The following TAFA1 variants were observed in gnomAD, a reference collection of about 807,000 sequenced individuals.
The protein encoded by TAFA1 is TAFA chemokine like family member 1.
Under a neutral mutation model 18.5 loss-of-function variants are expected in TAFA1, and 4 were observed. That is an observed-to-expected ratio of 0.22 (90% CI 0.11 to 0.49). TAFA1 has a LOEUF of 0.49. Ranked by LOEUF, TAFA1 falls within the 20% of genes least tolerant of loss-of-function variation. TAFA1 has a pLI of 0.98. For missense variants in TAFA1, 147 were observed against 169.0 expected (o/e 0.87, Z 0.72); for synonymous variants, 56 against 55.2 (o/e 1.01, Z -0.06).
chr3:68,242,485 A>G (rs528871353), intron 2 of TAFA1, among the ~76,000 whole-genome samples: 9 of 152,314 alleles, frequency 5.9e-5, no homozygotes, highest in African/African-American at 2.2e-4. Context: ...TTTACTGTAT[A>G]TTAAAGTATA....
At chr3:68,359,417 A>T (rs183148328) in intron 2 of TAFA1, among the ~76,000 whole-genome samples, 5 of 152,098 alleles carry the variant, frequency 3.3e-5, no homozygotes, top group Admixed American at 3.3e-4. Context: ...TAAAATAAGG[A>T]GATTATCCTG....
chr3:68,514,971 G>A (rs1371440778), intron 3 of TAFA1, among the ~76,000 whole-genome samples: 1 of 150,194 alleles, frequency 6.7e-6, no homozygotes, highest in Non-Finnish European at 1.5e-5. Context: ...AACAAGAGAT[G>A]TAATAAAATG....
At chr3:68,383,507 A>C (rs1008056535) in intron 2 of TAFA1, among the ~76,000 whole-genome samples, 3 of 152,074 alleles carry the variant, frequency 2.0e-5, no homozygotes, top group African/African-American at 7.2e-5. Flanking sequence ...CTGTTGAACA[A>C]ACTTTGCATT....
chr3:68,395,187 G>GA (rs369346411), intron 2 of TAFA1, among the ~76,000 whole-genome samples: 12 of 150,700 alleles, frequency 8.0e-5, no homozygotes, highest in South Asian at 2.1e-4. Flanking sequence ...ACAAACATAT[G>GA]AAAAAAAAAC....
chr3:68,269,955 G>A (rs1325627592), intron 2 of TAFA1, among the ~76,000 whole-genome samples: 14 of 151,958 alleles, frequency 9.2e-5, no homozygotes, highest in African/African-American at 3.4e-4. Flanking sequence ...TTCTGTGGTC[G>A]AACCTGTTAC....
chr3:68,174,524 C>A (rs1011144192), intron 2 of TAFA1, among the ~76,000 whole-genome samples: 1 of 152,102 alleles, frequency 6.6e-6, no homozygotes, highest in South Asian at 2.1e-4. Context: ...GCAAAGGTGA[C>A]ATTTGTTATG....
At chr3:68,366,085 C>CAA (rs35861602) in intron 2 of TAFA1, among the ~76,000 whole-genome samples, 51,526 of 93,246 alleles carry the variant, frequency 0.55, 12,916 homozygotes, top group East Asian at 0.75. Flanking sequence ...GACTCCATCT[C>CAA]AAAAAAAAAA....
At chr3:68,023,010 C>T (rs1223071209) in intron 2 of TAFA1, among the ~76,000 whole-genome samples, 1 of 145,690 alleles carries the variant, frequency 6.9e-6, no homozygotes, top group Non-Finnish European at 1.5e-5. Flanking sequence ...GGAAATCAGG[C>T]TCAGAGAGGT....
intron 3 of TAFA1, among the ~76,000 whole-genome samples, chr3:68,460,356 G>GT (rs879822714): frequency 5.3e-5 from 8 of 152,072 alleles, no homozygotes; most frequent in Admixed American, 2.6e-4. Flanking sequence ...AGGAGATTTT[G>GT]TTTTTTTCTT....
chr3:68,321,191 C>T (rs757951686), intron 2 of TAFA1, among the ~76,000 whole-genome samples: 9 of 152,110 alleles, frequency 5.9e-5, no homozygotes, highest in Non-Finnish European at 5.9e-5. Flanking sequence ...TGGATGTAGT[C>T]TAATATACAA....
At chr3:68,286,805 A>G (rs905523543) in intron 2 of TAFA1, among the ~76,000 whole-genome samples, 1 of 152,170 alleles carries the variant, frequency 6.6e-6, no homozygotes, top group Non-Finnish European at 1.5e-5. Flanking sequence ...CTAGAAGGGT[A>G]AGAGAGAAAA....
chr3:68,512,158 C>T (rs754979451), intron 3 of TAFA1, among the ~76,000 whole-genome samples: 1 of 152,088 alleles, frequency 6.6e-6, no homozygotes. Context: ...AAATGCTTCA[C>T]GTGATGCACA....
intron 2 of TAFA1, among the ~76,000 whole-genome samples, chr3:68,255,143 G>C (rs1247946764): frequency 1.3e-5 from 2 of 152,116 alleles, no homozygotes. Context: ...TCATCTTTAG[G>C]TCATCTGCTG....
intron 3 of TAFA1, among the ~76,000 whole-genome samples, chr3:68,522,818 C>A (rs910588395): frequency 2.7e-5 from 4 of 150,798 alleles, no homozygotes; most frequent in Non-Finnish European, 5.9e-5. Context: ...CACTGTACTC[C>A]AGCCTGGGCG....
chr3:68,492,282 A>G (rs367870975), intron 3 of TAFA1, among the ~76,000 whole-genome samples: 1 of 152,106 alleles, frequency 6.6e-6, no homozygotes, highest in Non-Finnish European at 1.5e-5. Flanking sequence ...TTGCCTTCTT[A>G]TGGACCCATT....
intron 3 of TAFA1, among the ~76,000 whole-genome samples, chr3:68,471,384 G>A (rs2106948242): frequency 6.6e-6 from 1 of 152,240 alleles, no homozygotes; most frequent in East Asian, 1.9e-4. Flanking sequence ...TAGATCCACT[G>A]ATGACTTGCA....
intron 2 of TAFA1, among the ~76,000 whole-genome samples, chr3:68,111,557 ATACT>A (rs549131003): frequency 3.4e-4 from 52 of 152,286 alleles, no homozygotes; most frequent in African/African-American, 9.6e-4. Context: ...AAAATATATA[ATACT>A]TACAGCATAA....
intron 3 of TAFA1, among the ~76,000 whole-genome samples, chr3:68,465,967 G>A (rs1013049843): frequency 7.9e-5 from 12 of 152,144 alleles, no homozygotes; most frequent in African/African-American, 2.2e-4. Flanking sequence ...AACAAAAGAC[G>A]ATTGGATATC....
At chr3:68,269,988 A>C (rs1388486) in intron 2 of TAFA1, among the ~76,000 whole-genome samples, 1,974 of 152,210 alleles carry the variant, frequency 0.013, 46 homozygotes, top group African/African-American at 0.045. Context: ...TTGGTGAAAC[A>C]ATTTCTATGC....
Sources: allele counts gnomAD v4.1 joint callset (sites outside exome capture counted in the v4.1 genomes callset), GRCh38; gene constraint gnomAD v4.1.1; transcripts MANE v1.5; gene names NCBI Gene and HGNC (gene_info 2026-07-23, HGNC 2026-07-21).